ASB6: variants seen among roughly 807,000 people sequenced by gnomAD.
ASB6 encodes the protein ankyrin repeat and SOCS box containing 6.
A neutral mutation model predicts 28.6 loss-of-function variants in ASB6; 24 were observed. The observed-to-expected ratio is 0.84, with a 90% CI of 0.61 to 1.18. The LOEUF is 1.18. Ranked by LOEUF, ASB6 falls within the 50% of genes most tolerant of loss-of-function variation. The probability of loss-of-function intolerance (pLI) is 0.00; values close to 1 mark genes in which losing one functional copy is unlikely to be tolerated. For synonymous variants in ASB6, 267 were observed against 243.4 expected, an observed-to-expected ratio of 1.10 and a Z score of -0.90; for missense variants, 519 against 559.8, an observed-to-expected ratio of 0.93 and a Z score of 0.74.
chr9:129,639,334 G>A (rs977203458), intron 3 of ASB6, 24 bp from the exon 4 acceptor site: 5 of 1,603,812 alleles, frequency 3.1e-6, no homozygotes, highest in Admixed American at 1.7e-5. Flanking sequence ...GCACAGCCAG[G>A]TTGGCTTGGG....
rs1277103279 is a variant in ASB6 at position 129,638,629 on chromosome 9, C to G, written c.542G>C (p.Ser181Thr). The G allele has an allele frequency of 6.2e-7, 1 of 1,613,736 alleles. No individual in the cohort carries two copies. The highest frequency in any genetic ancestry group is 1.1e-5 in the South Asian group (1 of 91,018). ...ATTGTGGATCTGCACCCCGTCGCTG[C>G]TGGCCAGAGCATGGAGCAGAGCAGT... ...GKTALLHALA[S>T]SDGVQIHNTE... The change falls in exon 5 of 6, where the codon AGC becomes ACC. Residue 181 changes from serine (S) to threonine (T), a missense_variant. Ser to Thr is a moderately conservative substitution (Grantham distance 58, BLOSUM62 1). Coordinates refer to ENST00000277458, the MANE Select transcript of ASB6 (RefSeq NM_017873.4).
intron 2 of ASB6, among the ~76,000 whole-genome samples, chr9:129,640,307 C>T (rs1831664259): frequency 6.6e-6 from 1 of 152,218 alleles, no homozygotes; most frequent in Non-Finnish European, 1.5e-5. Context: ...TAATCAATCA[C>T]ATGGTAGAAG....
Position 129,635,153 on chromosome 9 carries a change from A to G in ASB6, c.*2637T>C, listed in dbSNP as rs1831458665. 6.4e-7 allele frequency: 1 copy of G among 1,568,604 alleles called. No individual in the cohort carries two copies. Among genetic ancestry groups the G allele is most frequent in the Non-Finnish European group, 8.6e-7 (1 of 1,161,470 alleles). On this transcript the variant is annotated 3_prime_UTR_variant, in exon 6 of 6. Coordinates refer to ENST00000277458, the MANE Select transcript of ASB6 (RefSeq NM_017873.4). The stretch of plus-strand genomic sequence containing the variant: ...CGGGGCTGAGAAGTACATCCCATCC[A>G]GTGCCGACATCCGCTTGCATGGTGC...
chr9:129,634,693 G>C lies in ASB6; in HGVS notation c.*3097C>G, dbSNP rs1488891919. On this transcript the variant is annotated 3_prime_UTR_variant, in exon 6 of 6. Coordinates refer to ENST00000277458, the MANE Select transcript of ASB6 (RefSeq NM_017873.4). ...CCCTCTTAGCCTAACAGCACACCTC[G>C]AGCGCTGTGCCCTGGGCTGCTGACG... The C allele has an allele frequency of 4.5e-6, 1 of 223,682 alleles. No individual in the cohort carries two copies. Among genetic ancestry groups the C allele is most frequent in the African/African-American group, 2.3e-5 (1 of 43,254 alleles). 13.9% of individuals were successfully genotyped at this position (223,682 alleles called of 1,614,324 possible). A position where few individuals can be genotyped will look rare whatever the true frequency, so the allele number is the denominator to read the frequency against.
chr9:129,639,116 C>T (rs1831630389), intron 4 of ASB6, 86 bp downstream of exon 4: 1 of 1,332,172 alleles, frequency 7.5e-7, no homozygotes, highest in African/African-American at 1.5e-5. Context: ...GTCTGCCCAC[C>T]TAGCTGTTGT....
rs1363867137 is a variant in ASB6 at position 129,639,515 on chromosome 9, G to A, written c.296-7C>T. On this transcript the variant is annotated splice_polypyrimidine_tract_variant and splice_region_variant and intron_variant, in intron 2 of 5. Coordinates refer to ENST00000277458, the MANE Select transcript of ASB6 (RefSeq NM_017873.4). ...GTGTAGTAGGTGACTGGGTCTGAAG[G>A]TGCAGACACAGCTCATGTGGGTCCT... The A allele has an allele frequency of 6.2e-7, 1 of 1,608,700 alleles. No individual in the cohort carries two copies. The highest frequency in any genetic ancestry group is 1.1e-5 in the South Asian group (1 of 90,810).
chr9:129,637,849 CG>C lies in ASB6; in HGVS notation c.1206del (p.Asp403ThrfsTer3). 1 of 1,528,024 alleles carries C rather than the reference CG, an allele frequency of 6.5e-7. No individual in the cohort carries two copies. Among genetic ancestry groups the C allele is most frequent in the Non-Finnish European group, 8.8e-7 (1 of 1,138,570 alleles). 94.7% of individuals were successfully genotyped at this position (1,528,024 alleles called of 1,614,324 possible). Reference protein sequence around the residue: ...VDVKVKALPLPDRLKWYLLSE... With the variant: ...VDVKVKALPLXDRLKWYLLSE... Reference sequence around the variant, plus strand: ...CTAAGGAGGTACCACTTCAGCCTGTCGGGCAGAGGCAGGGCTTTGACCTTCA... The same window carrying C: ...CTAAGGAGGTACCACTTCAGCCTGTCGGCAGAGGCAGGGCTTTGACCTTCA... On this transcript the variant is annotated frameshift_variant, in exon 6 of 6. Transcript: ENST00000277458. LOFTEE classifies it high-confidence loss of function.
At chr9:129,640,948 GC>G in intron 1 of ASB6, 1 of 549,452 alleles carries the variant, frequency 1.8e-6, no homozygotes, top group South Asian at 2.4e-5. Context: ...GTCTGTCTGC[GC>G]TCTCCTCCCG....
At position 129,639,359 on chromosome 9, in the gene ASB6, C is replaced by T. The variant is rs1459853368; in HGVS notation, c.402+43G>A. ...GTTGGCTTGGGAAGCTGCTCAGGCC[C>T]CTGCCCAACCCTGCTTCAAAGCAAG... On this transcript the variant is annotated intron_variant, in intron 3 of 5. Coordinates refer to ENST00000277458, the MANE Select transcript of ASB6 (RefSeq NM_017873.4). 3.1e-6 allele frequency: 5 copies of T among 1,600,782 alleles called. No homozygotes were observed. The African/African-American group carries it at 4.0e-5, about 13-fold the overall frequency.
Position 129,635,479 on chromosome 9 carries a change from G to T in ASB6, c.*2311C>A. ...CCCTGAGATGAGCCGGGGCTGGCAG[G>T]AGAAACTGAGGAACCACAGTCCTGG... On this transcript the variant is annotated 3_prime_UTR_variant, in exon 6 of 6. Coordinates refer to ENST00000277458, the MANE Select transcript of ASB6 (RefSeq NM_017873.4). 1 of 1,598,860 alleles carries T rather than the reference G, an allele frequency of 6.3e-7. No homozygotes were observed. Among genetic ancestry groups the T allele is most frequent in the South Asian group, 1.1e-5 (1 of 90,230 alleles).
Position 129,636,002 on chromosome 9 carries a change from G to A in ASB6, c.*1788C>T, listed in dbSNP as rs1831530590. 1 of 153,202 alleles carries A rather than the reference G, an allele frequency of 6.5e-6. No homozygotes were observed. The highest frequency in any genetic ancestry group is 2.4e-5 in the African/African-American group (1 of 41,474). 9.5% of individuals were successfully genotyped at this position (153,202 alleles called of 1,614,324 possible). A position where few individuals can be genotyped will look rare whatever the true frequency, so the allele number is the denominator to read the frequency against. Reference sequence around the variant, plus strand: ...GCAGTGGAGACCTGGGGCCCTTAAAGTGTTACAACAGCCTGCAGCAAGGGA... The same window carrying A: ...GCAGTGGAGACCTGGGGCCCTTAAAATGTTACAACAGCCTGCAGCAAGGGA... On this transcript the variant is annotated 3_prime_UTR_variant, in exon 6 of 6. Coordinates refer to ENST00000277458, the MANE Select transcript of ASB6 (RefSeq NM_017873.4).
In ASB6 at chr9:129,642,108, C is replaced by A. The variant is rs1234198396; in HGVS notation, c.-109G>T. On this transcript the variant is annotated 5_prime_UTR_variant, in exon 1 of 6. Coordinates refer to ENST00000277458, the MANE Select transcript of ASB6 (RefSeq NM_017873.4). This position sits in a 1 kb window ranked among gnomAD's most constrained non-coding sequence, Gnocchi z 4.3. ...CGCGGACCCCACCTGCTCCGCCAGT[C>A]CAGCCCCTGCGCCCGGCCGGGTCCG... 5.2e-6 allele frequency: 7 copies of A among 1,357,364 alleles called. No homozygotes were observed. Among genetic ancestry groups the A allele is most frequent in the Non-Finnish European group, 6.6e-6 (7 of 1,055,824 alleles). 84.1% of individuals were successfully genotyped at this position (1,357,364 alleles called of 1,614,324 possible). A position where few individuals can be genotyped will look rare whatever the true frequency, so the allele number is the denominator to read the frequency against.
At position 129,635,062 on chromosome 9, in the gene ASB6, C is replaced by A; in HGVS notation, c.*2728G>T. On this transcript the variant is annotated 3_prime_UTR_variant, in exon 6 of 6. Transcript: ENST00000277458. ...CTATGAATTGGGGTTTAGTAAATCT[C>A]TCGGGACTGAGAGCCAATGAGGCCA... The A allele has an allele frequency of 2.2e-6, 2 of 914,848 alleles. No homozygotes were observed. The highest frequency in any genetic ancestry group is 3.3e-6 in the Non-Finnish European group (2 of 603,802). The allele number at this position is 914,848 out of a possible 1,614,324, so 56.7% of individuals were successfully genotyped here. A position where few individuals can be genotyped will look rare whatever the true frequency, so the allele number is the denominator to read the frequency against.
intron 2 of ASB6, among the ~76,000 whole-genome samples, chr9:129,640,177 C>A (rs559073926): frequency 1.8e-4 from 28 of 151,804 alleles, no homozygotes; most frequent in Non-Finnish European, 2.7e-4. Context: ...AAAAAAAAAA[C>A]AAATTGGCTC....
rs1831680149 is a variant in ASB6, at chr9:129,640,887, G to A, written c.114-165C>T. ...AGCTCTGAAGTAGAGAGAGGGCCAC[G>A]CTGCATCTCTTAATACGGGAGCAGA... On this transcript the variant is annotated intron_variant, in intron 1 of 5. Transcript: ENST00000277458. 38 of 779,470 alleles carry A rather than the reference G, an allele frequency of 4.9e-5. No individual in the cohort carries two copies. The South Asian group carries it at 6.3e-4, about 13-fold the overall frequency. 48.3% of individuals were successfully genotyped at this position (779,470 alleles called of 1,614,324 possible).
rs1346944133 is a variant in ASB6 at position 129,637,122 on chromosome 9, T to C, written c.*668A>G. The C allele has an allele frequency of 6.6e-6, 1 of 152,222 alleles. No homozygotes were observed. Among genetic ancestry groups the C allele is most frequent in the Non-Finnish European group, 1.5e-5 (1 of 68,064 alleles). The allele number at this position is 152,222 out of a possible 1,614,324, so 9.4% of individuals were successfully genotyped here. ...CAGCCACGCACTCATGATTGCTTTTTAGCAGAAGTCATGGTCGCTGAGGCC... is the reference window on the plus strand; with the variant it reads ...CAGCCACGCACTCATGATTGCTTTTCAGCAGAAGTCATGGTCGCTGAGGCC... On this transcript the variant is annotated 3_prime_UTR_variant, in exon 6 of 6. Coordinates refer to ENST00000277458, the MANE Select transcript of ASB6 (RefSeq NM_017873.4).
intron 2 of ASB6, 180 bp downstream of exon 2, chr9:129,640,361 A>G: frequency 2.6e-6 from 2 of 780,086 alleles, no homozygotes; most frequent in South Asian, 2.2e-5. Context: ...GAGCCATGTG[A>G]AAACCCGCAG....
intron 2 of ASB6, chr9:129,640,335 G>C: frequency 1.7e-6 from 1 of 591,346 alleles, no homozygotes. Context: ...ACTCGCTCTT[G>C]GAACAGAGGT....
intron 1 of ASB6, 34 bp downstream of exon 1, chr9:129,641,853 G>A (rs560112331): frequency 4.5e-6 from 7 of 1,551,842 alleles, no homozygotes; most frequent in Non-Finnish European, 6.1e-6. Context: ...GGGTCGGAGC[G>A]GCCTCGGCCA....
Sources: allele counts gnomAD v4.1 joint callset (sites outside exome capture counted in the v4.1 genomes callset), GRCh38; gene constraint gnomAD v4.1.1; non-coding constraint Gnocchi (gnomAD v3.1); transcripts MANE v1.5; gene names NCBI Gene and HGNC (gene_info 2026-07-23, HGNC 2026-07-21).